The following PDE4D variants were observed in gnomAD, a reference collection of about 807,000 sequenced individuals.
PDE4D encodes the protein 3',5'-cyclic-AMP phosphodiesterase 4D.
Under a neutral mutation model 87.4 loss-of-function variants are expected in PDE4D, and 24 were observed. The observed-to-expected ratio is 0.27, with a 90% CI of 0.20 to 0.39. The LOEUF (loss-of-function observed/expected upper bound fraction) is 0.39, where lower values mean the gene tolerates loss of function less well. PDE4D is among the 10% of genes least tolerant of loss of function. The probability of loss-of-function intolerance (pLI) is 1.00; values close to 1 mark genes in which losing one functional copy is unlikely to be tolerated. For synonymous variants in PDE4D, 384 were observed against 383.2 expected, an observed-to-expected ratio of 1.00 and a Z score of -0.02; for missense variants, 714 against 1,041.0, an observed-to-expected ratio of 0.69 and a Z score of 4.32.
At position 58,975,878 on chromosome 5, in the gene PDE4D, CTT is replaced by C; in HGVS notation, c.1831-41_1831-40del. The C allele has an allele frequency of 1.7e-6, 2 of 1,189,378 alleles. No homozygotes were observed. Among genetic ancestry groups the C allele is most frequent in the South Asian group, 4.9e-5 (2 of 40,812 alleles). 73.7% of individuals were successfully genotyped at this position (1,189,378 alleles called of 1,614,324 possible). A position where few individuals can be genotyped will look rare whatever the true frequency, so the allele number is the denominator to read the frequency against. On this transcript the variant is annotated intron_variant, in intron 13 of 14. Transcript: ENST00000340635. The surrounding 1 kb of genome is among the most constrained non-coding windows in gnomAD (Gnocchi z 4.2). ...ATGCATTCTCTATTCACTCCTGTTC[CTT>C]TTTTTTAAAAAAAAAAACAAAAAAA...
intron 1 of PDE4D, among the ~76,000 whole-genome samples, chr5:59,301,683 A>G (rs1561913345): frequency 6.6e-6 from 1 of 151,724 alleles, no homozygotes; most frequent in South Asian, 2.1e-4. Context: ...AAAGTGGGGG[A>G]GAGAGAGAGA....
intron 1 of PDE4D, among the ~76,000 whole-genome samples, chr5:60,422,842 G>A (rs1435706598): frequency 1.3e-5 from 2 of 152,202 alleles, no homozygotes; most frequent in Admixed American, 6.5e-5. Context: ...ATAAAGGGAT[G>A]TAAGAAGATC....
chr5:60,158,839 G>C (rs1782225246), intron 2 of PDE4D, among the ~76,000 whole-genome samples: 1 of 152,206 alleles, frequency 6.6e-6, no homozygotes. Flanking sequence ...AAAGTGCTGG[G>C]ATTACAGGCG....
At chr5:59,282,369 G>T (rs574804512) in intron 1 of PDE4D, among the ~76,000 whole-genome samples, 62 of 152,042 alleles carry the variant, frequency 4.1e-4, no homozygotes, top group Non-Finnish European at 7.2e-4. Flanking sequence ...GGCTGCGCGC[G>T]GTGGCTCATG....
At chr5:60,425,059 C>T (rs979826277) in intron 1 of PDE4D, among the ~76,000 whole-genome samples, 2 of 152,158 alleles carry the variant, frequency 1.3e-5, no homozygotes, top group African/African-American at 2.4e-5. Context: ...GAAGAACGTT[C>T]CATGCTTATG....
intron 1 of PDE4D, among the ~76,000 whole-genome samples, chr5:59,792,155 C>T (rs1454903525): frequency 6.6e-6 from 1 of 152,034 alleles, no homozygotes; most frequent in South Asian, 2.1e-4. Flanking sequence ...AAGGGCTTCC[C>T]TGGGGAGGAA....
At chr5:60,182,575 T>C (rs1274946572) in intron 2 of PDE4D, among the ~76,000 whole-genome samples, 2 of 152,134 alleles carry the variant, frequency 1.3e-5, no homozygotes, top group African/African-American at 2.4e-5. Flanking sequence ...GAGGTTGCAG[T>C]GAGCTGAGAT....
At chr5:59,278,077 C>T (rs1254529726) in intron 1 of PDE4D, among the ~76,000 whole-genome samples, 1 of 151,822 alleles carries the variant, frequency 6.6e-6, no homozygotes, top group Non-Finnish European at 1.5e-5. Flanking sequence ...GTTGTAAGAC[C>T]ATTGAGATTT....
intron 1 of PDE4D, among the ~76,000 whole-genome samples, chr5:59,265,451 T>TA (rs1020973468): frequency 2.4e-4 from 36 of 152,152 alleles, no homozygotes; most frequent in African/African-American, 8.4e-4. Flanking sequence ...CTGACTGTGT[T>TA]AAAAAAGACT....
chr5:60,415,278 A>C (rs553358540), intron 1 of PDE4D, among the ~76,000 whole-genome samples: 1 of 152,358 alleles, frequency 6.6e-6, no homozygotes, highest in Non-Finnish European at 1.5e-5. Context: ...ACCTATTAAG[A>C]GGTGACAGCA....
At chr5:59,825,789 G>A (rs1770252650) in intron 1 of PDE4D, among the ~76,000 whole-genome samples, 1 of 152,188 alleles carries the variant, frequency 6.6e-6, no homozygotes, top group South Asian at 2.1e-4. Flanking sequence ...CTGCAGCCAG[G>A]ATCAGGCTTT....
intron 2 of PDE4D, among the ~76,000 whole-genome samples, chr5:60,047,199 G>A (rs544824467): frequency 9.2e-5 from 14 of 152,200 alleles, no homozygotes; most frequent in South Asian, 4.2e-4. Context: ...TATTTCTGTC[G>A]GATTGGTGGT....
At chr5:60,227,816 A>G (rs1221665834) in intron 1 of PDE4D, among the ~76,000 whole-genome samples, 1 of 152,044 alleles carries the variant, frequency 6.6e-6, no homozygotes, top group Non-Finnish European at 1.5e-5. Context: ...TCTCTTAAAT[A>G]TTTCAGTGCT....
At position 59,709,501 on chromosome 5, in the gene PDE4D, C is replaced by G. The variant is rs146761761; in HGVS notation, c.455+183667G>C. ...ACCCTGCTGAGAAGCTTCCAGATAGCCAGAAACACAGCAGGGAGTAGCAAG... is the reference window on the plus strand; with the variant it reads ...ACCCTGCTGAGAAGCTTCCAGATAGGCAGAAACACAGCAGGGAGTAGCAAG... On this transcript the variant is annotated intron_variant, in intron 1 of 14. Coordinates refer to ENST00000340635, the MANE Select transcript of PDE4D (RefSeq NM_001104631.2). 7.2e-5 allele frequency among the ~76,000 whole-genome samples: 11 copies of G among 152,280 alleles called. No individual in the cohort carries two copies. The South Asian group carries it at 8.3e-4, about 11-fold the overall frequency.
chr5:60,061,633 T>A (rs1771415682), intron 2 of PDE4D, among the ~76,000 whole-genome samples: 1 of 152,158 alleles, frequency 6.6e-6, no homozygotes. Context: ...AAAACAATTC[T>A]AAGCAAAAAG....
At chr5:60,114,881 T>G (rs73759014) in intron 2 of PDE4D, among the ~76,000 whole-genome samples, 2,828 of 152,102 alleles carry the variant, frequency 0.019, 91 homozygotes, top group African/African-American at 0.064. Context: ...TATGTATGTG[T>G]GTGTATATAT....
chr5:59,656,649 G>A (rs1053489067), intron 1 of PDE4D, among the ~76,000 whole-genome samples: 3 of 152,112 alleles, frequency 2.0e-5, no homozygotes, highest in East Asian at 1.9e-4. Flanking sequence ...TCACCACTAC[G>A]TGTGAGAACT....
intron 1 of PDE4D, among the ~76,000 whole-genome samples, chr5:60,352,226 A>G (rs977438196): frequency 7.2e-5 from 11 of 152,230 alleles, no homozygotes; most frequent in East Asian, 5.8e-4. Flanking sequence ...TTTCCTCCCA[A>G]GGCACAGTAG....
At chr5:60,393,891 G>A (rs566792164) in intron 1 of PDE4D, among the ~76,000 whole-genome samples, 1 of 152,210 alleles carries the variant, frequency 6.6e-6, no homozygotes, top group East Asian at 1.9e-4. Flanking sequence ...CTCTCTTAGG[G>A]TACTAATCTA....
Sources: gnomAD v4.1 joint callset for allele counts (sites outside exome capture counted in the v4.1 genomes callset) on GRCh38, gnomAD v4.1.1 for gene constraint, Gnocchi (gnomAD v3.1) non-coding constraint, MANE v1.5 for transcripts, NCBI Gene and HGNC (gene_info 2026-07-23, HGNC 2026-07-21) for gene names.